SLC36A1: variants seen among roughly 807,000 people sequenced by gnomAD.
SLC36A1 encodes proton-coupled amino acid transporter 1.
A neutral mutation model predicts 47.5 loss-of-function variants in SLC36A1; 30 were observed. That is an observed-to-expected ratio of 0.63 (90% CI 0.47 to 0.86). The LOEUF (loss-of-function observed/expected upper bound fraction) is 0.86. Among genes scored for constraint, SLC36A1 ranks in the 40% least tolerant of loss-of-function variants. The probability of loss-of-function intolerance (pLI) is 0.00; values close to 1 mark genes in which losing one functional copy is unlikely to be tolerated. For synonymous variants in SLC36A1, 255 were observed against 249.7 expected (o/e 1.02, Z -0.20); for missense variants, 517 against 606.0 (o/e 0.85, Z 1.54).
chr5:151,550,093 T>C, the SLC36A1 span, among the ~76,000 whole-genome samples: 4 of 152,146 alleles, frequency 2.6e-5, no homozygotes, highest in African/African-American at 9.7e-5. Flanking sequence ...GGGTCAGGGA[T>C]AGAACTAGGG....
At chr5:151,507,868 C>G in the SLC36A1 span, among the ~76,000 whole-genome samples, 1 of 152,184 alleles carries the variant, frequency 6.6e-6, no homozygotes, top group African/African-American at 2.4e-5. Context: ...GCAATGAGAT[C>G]TAGGCACTGT....
At chr5:151,357,938 G>A in the SLC36A1 span, among the ~76,000 whole-genome samples, 2 of 152,166 alleles carry the variant, frequency 1.3e-5, no homozygotes, top group East Asian at 1.9e-4. Flanking sequence ...CATGAATTAG[G>A]CAACCCCAAG....
the SLC36A1 span, among the ~76,000 whole-genome samples, chr5:151,362,669 G>C: frequency 6.6e-6 from 1 of 152,132 alleles, no homozygotes; most frequent in Non-Finnish European, 1.5e-5. Flanking sequence ...GGGATTATAG[G>C]CGTGAGGCAC....
In SLC36A1 at chr5:151,463,309, CAG is replaced by C. The variant is rs201101695; in HGVS notation, c.144-239_144-238del. Among the ~76,000 whole-genome samples the C allele has an allele frequency of 3.9e-5, 6 of 152,266 alleles. No individual in the cohort carries two copies. The East Asian group carries it at 9.6e-4, about 24-fold the overall frequency. On this transcript the variant is annotated intron_variant, in intron 2 of 10. Coordinates refer to ENST00000243389, the MANE Select transcript of SLC36A1 (RefSeq NM_078483.4). The stretch of plus-strand genomic sequence containing the variant: ...TGAGAGAAGGGATTCTCAGAAATGT[CAG>C]AGAGTGGAGACTTACAGCACAGTGG...
At chr5:151,419,336 C>G in the SLC36A1 span, among the ~76,000 whole-genome samples, 1 of 152,094 alleles carries the variant, frequency 6.6e-6, no homozygotes, top group Non-Finnish European at 1.5e-5. Flanking sequence ...GCCTGATTTC[C>G]CCATCTGTAC....
downstream of SLC36A1, among the ~76,000 whole-genome samples, chr5:151,496,637 C>T (rs1367431971): frequency 2.0e-5 from 3 of 152,188 alleles, no homozygotes; most frequent in Non-Finnish European, 4.4e-5. Flanking sequence ...CTCACTGCAA[C>T]CCCTGCCTCC....
At chr5:151,543,897 GTC>G in the SLC36A1 span, 1 of 1,614,208 alleles carries the variant, frequency 6.2e-7, no homozygotes, top group Non-Finnish European at 8.5e-7. Context: ...GGCGGGAGGT[GTC>G]TCTGCTGTCA....
chr5:151,352,437 A>AAGCC, the SLC36A1 span, among the ~76,000 whole-genome samples: 1 of 152,200 alleles, frequency 6.6e-6, no homozygotes, highest in Non-Finnish European at 1.5e-5. Context: ...GATGTGGAGT[A>AAGCC]AGCCTCAGAG....
the SLC36A1 span, chr5:151,551,319 TAG>T: frequency 1.2e-6 from 1 of 800,460 alleles, no homozygotes; most frequent in South Asian, 1.8e-5. Context: ...ATCACAGAAG[TAG>T]AGAGTGTATT....
At chr5:151,505,895 T>C in the SLC36A1 span, 1 of 1,597,788 alleles carries the variant, frequency 6.3e-7, no homozygotes, top group Admixed American at 1.8e-5. Flanking sequence ...TGTAACGGGG[T>C]GGGAGAGGTG....
the SLC36A1 span, among the ~76,000 whole-genome samples, chr5:151,350,906 CA>C: frequency 6.6e-6 from 1 of 152,120 alleles, no homozygotes; most frequent in Non-Finnish European, 1.5e-5. Context: ...CCATGTTGCC[CA>C]GGCTGGTCTT....
At chr5:151,485,983 A>AG (rs1453263890) in intron 10 of SLC36A1, among the ~76,000 whole-genome samples, 1 of 152,234 alleles carries the variant, frequency 6.6e-6, no homozygotes, top group African/African-American at 2.4e-5. Flanking sequence ...AGTGTGAGGC[A>AG]GGAGGCATGA....
the SLC36A1 span, chr5:151,504,051 A>G: frequency 2.6e-5 from 4 of 152,482 alleles, no homozygotes; most frequent in Admixed American, 2.6e-4. Flanking sequence ...GGACCCTTGC[A>G]TCGTTCCCCT....
the SLC36A1 span, among the ~76,000 whole-genome samples, chr5:151,401,411 T>C: frequency 1.3e-5 from 2 of 152,212 alleles, no homozygotes; most frequent in African/African-American, 4.8e-5. Flanking sequence ...AATACCATGC[T>C]GTTTTTGTTA....
chr5:151,529,644 T>A, the SLC36A1 span, among the ~76,000 whole-genome samples: 1 of 152,212 alleles, frequency 6.6e-6, no homozygotes, highest in African/African-American at 2.4e-5. Context: ...TTGATTTAAA[T>A]CTCATTTAAA....
intron 7 of SLC36A1, among the ~76,000 whole-genome samples, chr5:151,468,695 G>A (rs1425524579): frequency 6.6e-6 from 1 of 151,600 alleles, no homozygotes; most frequent in East Asian, 1.9e-4. Context: ...TTCCTGGGGG[G>A]CAAAATCGCC....
chr5:151,487,274 G>C (rs1759690748), intron 10 of SLC36A1, among the ~76,000 whole-genome samples: 1 of 152,218 alleles, frequency 6.6e-6, no homozygotes, highest in African/African-American at 2.4e-5. Context: ...GTTGACAATG[G>C]CTGGTATGGC....
At chr5:151,521,453 C>T in the SLC36A1 span, 2 of 1,614,242 alleles carry the variant, frequency 1.2e-6, no homozygotes, top group Admixed American at 1.7e-5. Flanking sequence ...TGAACCCCCA[C>T]TGAATGCTCC....
At chr5:151,347,865 A>G in the SLC36A1 span, among the ~76,000 whole-genome samples, 1 of 152,220 alleles carries the variant, frequency 6.6e-6, no homozygotes, top group African/African-American at 2.4e-5. Flanking sequence ...AGTAAGGAGA[A>G]AACTGAGGTT....
Sources: gnomAD v4.1 joint callset for allele counts (sites outside exome capture counted in the v4.1 genomes callset) on GRCh38, gnomAD v4.1.1 for gene constraint, MANE v1.5 for transcripts, NCBI Gene and HGNC (gene_info 2026-07-23, HGNC 2026-07-21) for gene names.